Variants in RNF152 observed in about 807,000 individuals in gnomAD.
The protein encoded by RNF152 is ring finger protein 152.
RNF152 carries 11 observed loss-of-function variants against 12.7 expected under a neutral mutation model. The ratio of observed to expected loss-of-function variants is 0.86; its 90% CI spans 0.54 to 1.43. The LOEUF (loss-of-function observed/expected upper bound fraction) is 1.43. RNF152 is among the 40% of genes most tolerant of loss of function. The pLI is 0.00. For synonymous variants in RNF152, 113 were observed against 120.3 expected, an observed-to-expected ratio of 0.94 and a Z score of 0.40; for missense variants, 255 against 274.8, an observed-to-expected ratio of 0.93 and a Z score of 0.51.
chr18:61,856,830 C>T (rs1911245838), intron 1 of RNF152, among the ~76,000 whole-genome samples: 1 of 152,000 alleles, frequency 6.6e-6, no homozygotes, highest in Admixed American at 6.6e-5. Flanking sequence ...AGTGGGAGAG[C>T]CCAGGAAAAA....
At chr18:61,862,234 A>G (rs1486716181) in intron 1 of RNF152, among the ~76,000 whole-genome samples, 2 of 152,164 alleles carry the variant, frequency 1.3e-5, no homozygotes, top group African/African-American at 2.4e-5. Context: ...GAAAGGCACT[A>G]GATGCAGTAC....
chr18:61,870,718 C>A lies in RNF152; in HGVS notation c.-136+22077G>T, dbSNP rs972670250. On this transcript the variant is annotated intron_variant, in intron 1 of 1. Transcript: ENST00000312828. ...CTACTATGGTTTATGGACCTCATTT[C>A]TTTGGGCCCAGGAAGAAATGAAGTG... 2.7e-4 allele frequency among the ~76,000 whole-genome samples: 41 copies of A among 152,272 alleles called. 1 individual carries two copies. Among genetic ancestry groups the A allele is most frequent in the Admixed American group, 2.4e-3 (36 of 15,296 alleles).
intron 1 of RNF152, among the ~76,000 whole-genome samples, chr18:61,829,554 G>A (rs1006608876): frequency 6.0e-5 from 9 of 150,704 alleles, no homozygotes; most frequent in African/African-American, 2.2e-4. Flanking sequence ...TACTGGGAGA[G>A]GGAGAGAGAG....
At chr18:61,826,225 A>G (rs2144637137) in intron 1 of RNF152, among the ~76,000 whole-genome samples, 1 of 152,344 alleles carries the variant, frequency 6.6e-6, no homozygotes, top group African/African-American at 2.4e-5. Context: ...CCTGACCAAA[A>G]GCAGAAACTT....
intron 1 of RNF152, among the ~76,000 whole-genome samples, chr18:61,833,551 C>A (rs1184715555): frequency 6.6e-6 from 1 of 152,126 alleles, no homozygotes; most frequent in African/African-American, 2.4e-5. Context: ...ACCACAGAAC[C>A]ACAGACACAC....
Position 61,816,537 on chromosome 18 carries a change from G to A in RNF152, c.-74C>T. On this transcript the variant is annotated 5_prime_UTR_variant, in exon 2 of 2. Coordinates refer to ENST00000312828, the MANE Select transcript of RNF152 (RefSeq NM_173557.3). ...TGCTTCTCAGAGGCCACCGCCCTGT[G>A]TCTTTGCAGTGCAGGTAATGGCAAG... is the stretch of plus-strand genomic sequence containing the variant. The A allele has an allele frequency of 2.0e-6, 3 of 1,512,306 alleles. No homozygotes were observed. Among genetic ancestry groups the A allele is most frequent in the Non-Finnish European group, 2.7e-6 (3 of 1,119,934 alleles). 93.7% of individuals were successfully genotyped at this position (1,512,306 alleles called of 1,614,324 possible). A position where few individuals can be genotyped will look rare whatever the true frequency, so the allele number is the denominator to read the frequency against.
At chr18:61,832,613 T>C (rs759798634) in intron 1 of RNF152, among the ~76,000 whole-genome samples, 28 of 152,182 alleles carry the variant, frequency 1.8e-4, no homozygotes, top group Non-Finnish European at 3.1e-4. Flanking sequence ...ATGAAAAGTA[T>C]CTAACATCAA....
chr18:61,823,455 CCAGCTAATTTTT>C (rs1482677866), intron 1 of RNF152, among the ~76,000 whole-genome samples: 7 of 141,434 alleles, frequency 4.9e-5, no homozygotes, highest in African/African-American at 1.7e-4. Flanking sequence ...ACCACCACAC[CCAGCTAATTTTT>C]TTTGTATTTT....
upstream of RNF152, chr18:61,893,752 ACGTGCACACCCAG>A (rs1913078092): frequency 6.6e-6 from 1 of 151,568 alleles, no homozygotes; most frequent in African/African-American, 2.4e-5. Flanking sequence ...GCGCGCGCGC[ACGTGCACACCCAG>A]GGGCGCGCGC....
rs1174613008 is a variant in RNF152, at chr18:61,815,496, T to G, written c.*356A>C. 1 of 181,186 alleles carries G rather than the reference T, an allele frequency of 5.5e-6. No individual in the cohort carries two copies. Among genetic ancestry groups the G allele is most frequent in the Non-Finnish European group, 1.2e-5 (1 of 86,708 alleles). The allele number at this position is 181,186 out of a possible 1,614,324, so 11.2% of individuals were successfully genotyped here. ...CATCTTTGTTTGAATCTACCGCATT[T>G]AGAGAAGGTCACATTGTACGCACTT... On this transcript the variant is annotated 3_prime_UTR_variant, in exon 2 of 2. Coordinates refer to ENST00000312828, the MANE Select transcript of RNF152 (RefSeq NM_173557.3).
intron 1 of RNF152, among the ~76,000 whole-genome samples, chr18:61,844,094 G>GAAAGAAAGAAAGAA (rs1555702319): frequency 3.3e-4 from 36 of 110,332 alleles, no homozygotes; most frequent in South Asian, 6.6e-4. Flanking sequence ...AAGAAAGAAA[G>GAAAGAAAGAAAGAA]AAAGAAAGAA....
rs539022113 is a variant in RNF152, at chr18:61,878,176, G to A, written c.-136+14619C>T. On this transcript the variant is annotated intron_variant, in intron 1 of 1. Coordinates refer to ENST00000312828, the MANE Select transcript of RNF152 (RefSeq NM_173557.3). ...CCTAGGTACAGAAAGTAGTATAGTC[G>A]AGTGATTGTCAACTAGGGGTAATTT... 7.2e-5 allele frequency among the ~76,000 whole-genome samples: 11 copies of A among 152,282 alleles called. No homozygotes were observed. In the South Asian group the frequency reaches 1.7e-3, roughly 23 times the overall value.
intron 1 of RNF152, among the ~76,000 whole-genome samples, chr18:61,833,430 T>A (rs923154629): frequency 6.6e-6 from 1 of 152,238 alleles, no homozygotes; most frequent in African/African-American, 2.4e-5. Flanking sequence ...AATGCCCCAC[T>A]GCTACAGCTG....
intron 1 of RNF152, among the ~76,000 whole-genome samples, chr18:61,859,650 G>A (rs138504642): frequency 1.6e-4 from 24 of 152,264 alleles, no homozygotes; most frequent in Non-Finnish European, 2.6e-4. Context: ...AGGCCGAGGC[G>A]GGCAGATCAC....
At chr18:61,838,527 G>T (rs558508501) in intron 1 of RNF152, among the ~76,000 whole-genome samples, 1 of 152,188 alleles carries the variant, frequency 6.6e-6, no homozygotes, top group African/African-American at 2.4e-5. Flanking sequence ...ACCTCAGTGT[G>T]AGCTTAAACC....
chr18:61,816,197 C>A lies in RNF152; in HGVS notation c.267G>T (p.Pro89=), dbSNP rs754437225. The A allele has an allele frequency of 6.2e-7, 1 of 1,614,098 alleles. No individual in the cohort carries two copies. The highest frequency in any genetic ancestry group is 8.5e-7 in the Non-Finnish European group (1 of 1,180,040). The stretch of plus-strand genomic sequence containing the variant: ...CATTGCTGGGAAGTTTGATGAAGAC[C>A]GGGGTGTGTTCGGAAGTGTGTGGAA... ...IAIPHTSEHT[P]VFIKLPSNGC... is the part of the protein sequence containing the mutation. The change falls in exon 2 of 2, where the codon CCG becomes CCT. Residue 89 remains proline (P), a synonymous_variant. Coordinates refer to ENST00000312828, the MANE Select transcript of RNF152 (RefSeq NM_173557.3).
chr18:61,845,576 G>A (rs1455173723), intron 1 of RNF152, among the ~76,000 whole-genome samples: 5 of 152,262 alleles, frequency 3.3e-5, no homozygotes, highest in African/African-American at 4.8e-5. Context: ...TTTTTATAAC[G>A]TTTCATTTTA....
At chr18:61,861,677 T>C (rs1218702128) in intron 1 of RNF152, among the ~76,000 whole-genome samples, 1 of 152,104 alleles carries the variant, frequency 6.6e-6, no homozygotes, top group Non-Finnish European at 1.5e-5. Context: ...GGCCAGAAGG[T>C]TCAAGACTCG....
intron 1 of RNF152, among the ~76,000 whole-genome samples, chr18:61,845,965 G>C (rs1910726111): frequency 6.6e-6 from 1 of 152,132 alleles, no homozygotes; most frequent in Non-Finnish European, 1.5e-5. Flanking sequence ...AGTGGGGTTA[G>C]TGCCCCTTAT....
Sources: allele counts gnomAD v4.1 joint callset (sites outside exome capture counted in the v4.1 genomes callset), GRCh38; gene constraint gnomAD v4.1.1; transcripts MANE v1.5; gene names NCBI Gene and HGNC (gene_info 2026-07-23, HGNC 2026-07-21).